Variants in LSM8 observed in about 807,000 individuals in gnomAD.
The protein encoded by LSM8 is LSM8 U6 small nuclear RNA associated.
LSM8 carries 14 observed loss-of-function variants against 15.0 expected under a neutral mutation model. The observed-to-expected ratio is 0.93, with a 90% CI of 0.62 to 1.46. The LOEUF (loss-of-function observed/expected upper bound fraction) is 1.46, where lower values mean the gene tolerates loss of function less well. LSM8 is among the 40% of genes most tolerant of loss of function. The probability of loss-of-function intolerance (pLI) is 0.00; values close to 1 mark genes in which losing one functional copy is unlikely to be tolerated. For synonymous variants in LSM8, 50 were observed against 42.1 expected (o/e 1.19, Z -0.73); for missense variants, 90 against 115.4 (o/e 0.78, Z 1.01).
rs899414746 is a variant in LSM8, at chr7:118,202,156, GTT to G, written c.*10160_*10161del. ...ATGTCTTGAAATAGATACATTGGCA[GTT>G]TTTTTGTTTTTGTTTTTGCTTGTGT... is the stretch of plus-strand genomic sequence containing the variant. On this transcript the variant is annotated 3_prime_UTR_variant, in exon 4 of 4. Transcript: ENST00000249299. Among the ~76,000 whole-genome samples, 1 of 152,044 alleles carries G rather than the reference GTT, an allele frequency of 6.6e-6. No individual in the cohort carries two copies. The highest frequency in any genetic ancestry group is 2.4e-5 in the African/African-American group (1 of 41,418).
chr7:118,190,295 A>T (rs1352257106), intron 3 of LSM8: 1 of 152,186 alleles, frequency 6.6e-6, no homozygotes, highest in Non-Finnish European at 1.5e-5. Context: ...GATAGGGCCC[A>T]GGTCTCTGGA....
rs141289036 is a variant in LSM8 at position 118,188,453 on chromosome 7, T to G, written c.200+48T>G. On this transcript the variant is annotated intron_variant, in intron 3 of 3. Coordinates refer to ENST00000249299, the MANE Select transcript of LSM8 (RefSeq NM_016200.5). Reference sequence around the variant, plus strand: ...AATTATAAATGATACTGCCTTACTTTATGGAGAAGAGGCTTTCCCCAAAAT... The same window carrying G: ...AATTATAAATGATACTGCCTTACTTGATGGAGAAGAGGCTTTCCCCAAAAT... The G allele has an allele frequency of 9.1e-4, 1,413 of 1,551,860 alleles. 5 individuals are homozygous for G. Among genetic ancestry groups the G allele is most frequent in the Non-Finnish European group, 1.2e-3 (1,329 of 1,136,018 alleles).
chr7:118,184,428 T>A, intron 1 of LSM8, 174 bp downstream of exon 1: 1 of 700,784 alleles, frequency 1.4e-6, no homozygotes, highest in Non-Finnish European at 2.1e-6. Context: ...TTCCCGCTGC[T>A]GCGGGCCCAG....
rs753250994 is a variant in LSM8 at position 118,188,382 on chromosome 7, A to G, written c.177A>G (p.Leu59=). 23 of 1,612,548 alleles carry G rather than the reference A, an allele frequency of 1.4e-5. No homozygotes were observed. In the South Asian group the frequency reaches 1.6e-4, roughly 12 times the overall value. ...GGGTAGAACAAGTGGTACTAGGATT[A>G]TACATTGTAAGAGGTGACAACGTGT... is the stretch of plus-strand genomic sequence containing the variant. The part of the protein sequence containing the change: ...SQGVEQVVLG[L]YIVRGDNVAV... The change falls in exon 3 of 4, where the codon TTA becomes TTG. Residue 59 remains leucine, a synonymous_variant. Coordinates refer to ENST00000249299, the MANE Select transcript of LSM8 (RefSeq NM_016200.5).
chr7:118,187,761 A>T (rs961250575), intron 2 of LSM8, among the ~76,000 whole-genome samples: 2 of 152,192 alleles, frequency 1.3e-5, no homozygotes, highest in Non-Finnish European at 2.9e-5. Context: ...CTTCTTTGAA[A>T]TGGGGCTAAT....
chr7:118,197,789 CTG>C lies in LSM8; in HGVS notation c.*5788_*5789del, dbSNP rs1809106505. Among the ~76,000 whole-genome samples the C allele has an allele frequency of 6.6e-6, 1 of 152,070 alleles. No homozygotes were observed. Among genetic ancestry groups the C allele is most frequent in the South Asian group, 2.1e-4 (1 of 4,826 alleles). ...AGCATGGCAGTGAAAGGCACAGACT[CTG>C]GAGTCATACTTAGTTTGCAGAGCTT... On this transcript the variant is annotated 3_prime_UTR_variant, in exon 4 of 4. Coordinates refer to ENST00000249299, the MANE Select transcript of LSM8 (RefSeq NM_016200.5).
At position 118,200,480 on chromosome 7, in the gene LSM8, TC is replaced by T. The variant is rs1252790111; in HGVS notation, c.*8479del. ...ATCTTAATTACCATTAGGTTGGAAC[TC>T]TACCTGAACTAAAAATAAGTGGTCT... On this transcript the variant is annotated 3_prime_UTR_variant, in exon 4 of 4. Coordinates refer to ENST00000249299, the MANE Select transcript of LSM8 (RefSeq NM_016200.5). Among the ~76,000 whole-genome samples the T allele has an allele frequency of 1.3e-5, 2 of 152,166 alleles. No individual in the cohort carries two copies. The highest frequency in any genetic ancestry group is 2.9e-5 in the Non-Finnish European group (2 of 68,018).
intron 1 of LSM8, chr7:118,185,114 T>C (rs1808864267): frequency 6.6e-6 from 1 of 152,194 alleles, no homozygotes; most frequent in South Asian, 2.1e-4. Context: ...GTAACCTTCC[T>C]AGTAGAAAAG....
At position 118,184,426 on chromosome 7, in the gene LSM8, G is replaced by A. The variant is rs1404611515; in HGVS notation, c.31+172G>A. ...CGGCGGCGCCTCGAGCCTTCCCGCT[G>A]CTGCGGGCCCAGGGGTCCTTTCCAT... On this transcript the variant is annotated intron_variant, in intron 1 of 3. Coordinates refer to ENST00000249299, the MANE Select transcript of LSM8 (RefSeq NM_016200.5). 5.6e-6 allele frequency: 4 copies of A among 709,206 alleles called. No individual in the cohort carries two copies. In the Admixed American group the frequency reaches 1.2e-4, roughly 21 times the overall value. 43.9% of individuals were successfully genotyped at this position (709,206 alleles called of 1,614,324 possible).
rs1338266746 is a variant in LSM8, at chr7:118,192,156, A to G, written c.*154A>G. ...ATTAAAATATTTCTACATTTTATTG[A>G]AAAAAAAACCTTTTTTTTTGCCTAA... On this transcript the variant is annotated 3_prime_UTR_variant, in exon 4 of 4. Transcript: ENST00000249299. 4.2e-5 allele frequency: 17 copies of G among 408,194 alleles called. No homozygotes were observed. The highest frequency in any genetic ancestry group is 1.1e-4 in the Admixed American group (2 of 18,848). The allele number at this position is 408,194 out of a possible 1,614,324, so 25.3% of individuals were successfully genotyped here. A position where few individuals can be genotyped will look rare whatever the true frequency, so the allele number is the denominator to read the frequency against.
In LSM8 at chr7:118,196,767, T is replaced by G. The variant is rs1809085201; in HGVS notation, c.*4765T>G. 1.3e-5 allele frequency among the ~76,000 whole-genome samples: 2 copies of G among 150,560 alleles called. No individual in the cohort carries two copies. Among genetic ancestry groups the G allele is most frequent in the African/African-American group, 2.4e-5 (1 of 40,892 alleles). On this transcript the variant is annotated 3_prime_UTR_variant, in exon 4 of 4. Coordinates refer to ENST00000249299, the MANE Select transcript of LSM8 (RefSeq NM_016200.5). ...TTATTTTTGAGACACTTCTTGCTCT[T>G]TCGCCAGGCTGGAGTGCAGTGGTGC...
rs753642647 is a variant in LSM8 at position 118,194,647 on chromosome 7, C to T, written c.*2645C>T. 6.6e-6 allele frequency among the ~76,000 whole-genome samples: 1 copy of T among 152,020 alleles called. No individual in the cohort carries two copies. The highest frequency in any genetic ancestry group is 1.9e-4 in the East Asian group (1 of 5,190). ...GGTATTTAATGCAAATACAGAATAA[C>T]GATGTCAACATTTTCCTCAGCCGTG... On this transcript the variant is annotated 3_prime_UTR_variant, in exon 4 of 4. Transcript: ENST00000249299.
At position 118,197,671 on chromosome 7, in the gene LSM8, T is replaced by G. The variant is rs1584710560; in HGVS notation, c.*5669T>G. Among the ~76,000 whole-genome samples, 1 of 152,210 alleles carries G rather than the reference T, an allele frequency of 6.6e-6. No individual in the cohort carries two copies. The highest frequency in any genetic ancestry group is 2.4e-5 in the African/African-American group (1 of 41,454). On this transcript the variant is annotated 3_prime_UTR_variant, in exon 4 of 4. Coordinates refer to ENST00000249299, the MANE Select transcript of LSM8 (RefSeq NM_016200.5). ...GGATAAGCTTTATTTTAATTGTGAT[T>G]CTGCTAATTACAGAGACACTTCAAT... is the stretch of plus-strand genomic sequence containing the variant.
intron 3 of LSM8, chr7:118,189,736 C>G (rs1215825934): frequency 6.6e-6 from 1 of 151,962 alleles, no homozygotes; most frequent in Non-Finnish European, 1.5e-5. Context: ...TGGTGCATGC[C>G]TGTAATCCCA....
At chr7:118,191,027 C>T (rs558667915) in intron 3 of LSM8, 14 of 152,068 alleles carry the variant, frequency 9.2e-5, no homozygotes, top group African/African-American at 2.4e-4. Context: ...ATCGCTTGAA[C>T]CTGGTAAGTA....
intron 2 of LSM8, among the ~76,000 whole-genome samples, chr7:118,186,574 A>T (rs974315151): frequency 1.3e-5 from 2 of 152,266 alleles, no homozygotes; most frequent in South Asian, 2.1e-4. Flanking sequence ...TGCCAGGTGC[A>T]TATATGTTAC....
Position 118,194,044 on chromosome 7 carries a change from T to C in LSM8, c.*2042T>C, listed in dbSNP as rs968550454. 1.1e-4 allele frequency among the ~76,000 whole-genome samples: 16 copies of C among 152,152 alleles called. No homozygotes were observed. Among genetic ancestry groups the C allele is most frequent in the African/African-American group, 3.4e-4 (14 of 41,444 alleles). On this transcript the variant is annotated 3_prime_UTR_variant, in exon 4 of 4. Transcript: ENST00000249299. ...GATAATCTATGTAATTCTTTATTCC[T>C]GGATACAAGCACATGGTGGACTGTT...
intron 2 of LSM8, among the ~76,000 whole-genome samples, chr7:118,186,009 G>C (rs931399747): frequency 6.6e-6 from 1 of 152,020 alleles, no homozygotes; most frequent in African/African-American, 2.4e-5. Context: ...ACATGAATCA[G>C]AATTTTTTTG....
At position 118,192,084 on chromosome 7, in the gene LSM8, G is replaced by A. The variant is rs1061731; in HGVS notation, c.*82G>A. ...AGGATGATATATGGAGTTTTTATGA[G>A]TGTGTCACTGGATTTTGACTCCTTA... On this transcript the variant is annotated 3_prime_UTR_variant, in exon 4 of 4. Transcript: ENST00000249299. The A allele has an allele frequency of 0.7, 648,629 of 920,884 alleles. 230,130 individuals are homozygous for A. The highest frequency in any genetic ancestry group is 0.84 in the South Asian group (40,976 of 49,072). The allele number at this position is 920,884 out of a possible 1,614,324, so 57.0% of individuals were successfully genotyped here.
Sources: allele counts gnomAD v4.1 joint callset (sites outside exome capture counted in the v4.1 genomes callset), GRCh38; gene constraint gnomAD v4.1.1; transcripts MANE v1.5; gene names NCBI Gene and HGNC (gene_info 2026-07-23, HGNC 2026-07-21).